Variants in SAMD5 observed in about 807,000 individuals in gnomAD.
SAMD5 encodes the protein sterile alpha motif domain containing 5, also known as sterile alpha motif domain-containing protein 5.
Under a neutral mutation model 11.3 loss-of-function variants are expected in SAMD5, and 13 were observed. The ratio of observed to expected loss-of-function variants is 1.15; its 90% CI spans 0.75 to 1.83. The LOEUF (loss-of-function observed/expected upper bound fraction) is 1.83. Among genes scored for constraint, SAMD5 ranks in the 40% most tolerant of loss-of-function variants. The pLI, the probability that SAMD5 is intolerant of heterozygous loss-of-function variation, is 0.00. For missense variants in SAMD5, 255 were observed against 239.1 expected (o/e 1.07, Z -0.44); for synonymous variants, 129 against 111.3 (o/e 1.16, Z -1.00).
the SAMD5 span, among the ~76,000 whole-genome samples, chr6:147,762,266 C>T: frequency 6.2e-3 from 949 of 152,224 alleles, 12 homozygotes; most frequent in African/African-American, 0.021. Context: ...AGTACAGTGG[C>T]GCAACCTCAG....
At chr6:147,533,548 G>C (rs941227095) in intron 1 of SAMD5, among the ~76,000 whole-genome samples, 1 of 152,018 alleles carries the variant, frequency 6.6e-6, no homozygotes, top group Admixed American at 6.5e-5. Flanking sequence ...GGATTTGCAA[G>C]AGCATCAGTG....
chr6:147,912,830 A>T, the SAMD5 span, among the ~76,000 whole-genome samples: 3 of 152,142 alleles, frequency 2.0e-5, no homozygotes, highest in Non-Finnish European at 4.4e-5. Flanking sequence ...CCAAAAGAAC[A>T]TAGGCTATAT....
chr6:147,649,213 T>G (rs896471075), intron 1 of SAMD5, among the ~76,000 whole-genome samples: 8 of 152,300 alleles, frequency 5.3e-5, no homozygotes, highest in Admixed American at 2.0e-4. Context: ...ATTTATTTTA[T>G]TTTAGTTTAG....
chr6:147,898,818 GATA>G, the SAMD5 span, among the ~76,000 whole-genome samples: 2 of 152,132 alleles, frequency 1.3e-5, no homozygotes, highest in African/African-American at 2.4e-5. Flanking sequence ...TGATCAAGCA[GATA>G]ATAATATTTC....
chr6:147,557,191 G>A (rs1317974416), intron 1 of SAMD5, among the ~76,000 whole-genome samples: 2 of 151,992 alleles, frequency 1.3e-5, no homozygotes, highest in Non-Finnish European at 2.9e-5. Context: ...AACTAAATAA[G>A]CATCATGCAT....
At chr6:147,627,992 A>G (rs1385207910) in intron 1 of SAMD5, among the ~76,000 whole-genome samples, 1 of 152,232 alleles carries the variant, frequency 6.6e-6, no homozygotes, top group Non-Finnish European at 1.5e-5. Flanking sequence ...GATTTGTTCA[A>G]AATACTTATC....
chr6:147,876,168 G>A, the SAMD5 span, among the ~76,000 whole-genome samples: 1 of 152,270 alleles, frequency 6.6e-6, no homozygotes. Flanking sequence ...AAAAATCTTA[G>A]TAATTTTTAA....
the SAMD5 span, among the ~76,000 whole-genome samples, chr6:147,949,662 G>A: frequency 2.0e-5 from 3 of 152,218 alleles, no homozygotes; most frequent in South Asian, 6.2e-4. Context: ...TGTCAGTCTA[G>A]TTATCTGTAA....
At chr6:147,847,658 G>C in the SAMD5 span, among the ~76,000 whole-genome samples, 1 of 152,140 alleles carries the variant, frequency 6.6e-6, no homozygotes, top group Non-Finnish European at 1.5e-5. Flanking sequence ...TTCGAGACCA[G>C]CCTGGCCAAG....
the SAMD5 span, among the ~76,000 whole-genome samples, chr6:147,930,942 G>A: frequency 6.6e-6 from 1 of 152,180 alleles, no homozygotes; most frequent in South Asian, 2.1e-4. Context: ...TGACTCACAT[G>A]TCAGTCTCCT....
At chr6:147,541,593 T>C (rs571234089) in intron 1 of SAMD5, among the ~76,000 whole-genome samples, 36 of 152,240 alleles carry the variant, frequency 2.4e-4, no homozygotes, top group African/African-American at 8.2e-4. Flanking sequence ...TCTTTAGGAC[T>C]CATTGAATGT....
At chr6:147,544,788 C>T (rs916347085) in intron 1 of SAMD5, among the ~76,000 whole-genome samples, 1 of 152,144 alleles carries the variant, frequency 6.6e-6, no homozygotes, top group Non-Finnish European at 1.5e-5. Context: ...GAATAAGAAA[C>T]AATTCACATA....
chr6:147,543,431 A>C (rs150779291), intron 1 of SAMD5, among the ~76,000 whole-genome samples: 1 of 152,228 alleles, frequency 6.6e-6, no homozygotes, highest in African/African-American at 2.4e-5. Flanking sequence ...AATTAAAAAC[A>C]ATTTACTATC....
the SAMD5 span, among the ~76,000 whole-genome samples, chr6:147,859,722 G>A: frequency 5.9e-5 from 9 of 152,014 alleles, no homozygotes; most frequent in South Asian, 2.1e-4. Context: ...CTAATGAAGC[G>A]TACAGTTCTT....
At chr6:147,798,109 G>C in the SAMD5 span, among the ~76,000 whole-genome samples, 2 of 145,438 alleles carry the variant, frequency 1.4e-5, no homozygotes, top group Admixed American at 6.8e-5. Context: ...CCTTCTGCTA[G>C]CTTTTGAATG....
the SAMD5 span, among the ~76,000 whole-genome samples, chr6:147,847,710 G>A: frequency 6.6e-6 from 1 of 152,066 alleles, no homozygotes; most frequent in African/African-American, 2.4e-5. Context: ...AAAACCAGCT[G>A]GGCATGGTGG....
At chr6:147,637,262 C>T (rs1469635078) in intron 1 of SAMD5, among the ~76,000 whole-genome samples, 2 of 152,190 alleles carry the variant, frequency 1.3e-5, no homozygotes, top group South Asian at 2.1e-4. Flanking sequence ...CAGAGTGCCT[C>T]ATCATATTCA....
At chr6:147,586,080 C>G (rs150160336) in intron 1 of SAMD5, among the ~76,000 whole-genome samples, 4 of 152,098 alleles carry the variant, frequency 2.6e-5, no homozygotes, top group African/African-American at 9.7e-5. Flanking sequence ...CATTGTAGGG[C>G]GCCATGATTA....
At chr6:147,777,460 TC>T in the SAMD5 span, among the ~76,000 whole-genome samples, 2 of 152,196 alleles carry the variant, frequency 1.3e-5, no homozygotes, top group Admixed American at 6.5e-5. Flanking sequence ...CTGGTTTTCT[TC>T]CTACCTCATT....
Sources: gnomAD v4.1 joint callset for allele counts (sites outside exome capture counted in the v4.1 genomes callset) on GRCh38, gnomAD v4.1.1 for gene constraint, MANE v1.5 for transcripts, NCBI Gene and HGNC (gene_info 2026-07-23, HGNC 2026-07-21) for gene names.